Variants in MACROD2 observed in about 807,000 individuals in gnomAD.
The protein encoded by MACROD2 is mono-ADP ribosylhydrolase 2, also known as ADP-ribose glycohydrolase MACROD2.
Under a neutral mutation model 70.4 loss-of-function variants are expected in MACROD2, and 36 were observed. The ratio of observed to expected loss-of-function variants is 0.51; its 90% CI spans 0.39 to 0.68. The LOEUF is 0.68. Among genes scored for constraint, MACROD2 ranks in the 30% least tolerant of loss-of-function variants. The pLI is 0.00. For synonymous variants in MACROD2, 172 were observed against 178.8 expected, an observed-to-expected ratio of 0.96 and a Z score of 0.30; for missense variants, 496 against 538.4, an observed-to-expected ratio of 0.92 and a Z score of 0.78.
At chr20:15,291,134 A>G (rs1309753958) in intron 6 of MACROD2, among the ~76,000 whole-genome samples, 6 of 152,248 alleles carry the variant, frequency 3.9e-5, no homozygotes, top group Non-Finnish European at 4.4e-5. Flanking sequence ...CCTGGGAATC[A>G]GTAATTCTAT....
chr20:14,999,792 C>G (rs988322638), intron 5 of MACROD2, among the ~76,000 whole-genome samples: 6 of 152,156 alleles, frequency 3.9e-5, no homozygotes, highest in Non-Finnish European at 8.8e-5. Context: ...GGCTTATTTG[C>G]AAGCCTCATG....
chr20:15,858,539 C>T (rs1019986202), intron 8 of MACROD2, among the ~76,000 whole-genome samples: 1 of 152,138 alleles, frequency 6.6e-6, no homozygotes, highest in African/African-American at 2.4e-5. Flanking sequence ...TCTGGAAAAA[C>T]AGTTACAGGG....
At chr20:14,092,002 A>G (rs1229199435) in intron 3 of MACROD2, among the ~76,000 whole-genome samples, 1 of 152,162 alleles carries the variant, frequency 6.6e-6, no homozygotes, top group African/African-American at 2.4e-5. Context: ...TTAGTTTTGT[A>G]AGAAACTGCT....
At chr20:15,831,513 G>T (rs898726543) in intron 8 of MACROD2, among the ~76,000 whole-genome samples, 9 of 152,272 alleles carry the variant, frequency 5.9e-5, no homozygotes, top group African/African-American at 2.2e-4. Flanking sequence ...GCTGAGCCAA[G>T]GGTGACCTGC....
chr20:15,976,778 A>G (rs1686203882), intron 13 of MACROD2, among the ~76,000 whole-genome samples: 2 of 152,244 alleles, frequency 1.3e-5, no homozygotes. Context: ...AAAGATTGTC[A>G]AAATATGTAA....
At chr20:15,822,916 A>T (rs1044728027) in intron 8 of MACROD2, among the ~76,000 whole-genome samples, 1 of 152,176 alleles carries the variant, frequency 6.6e-6, no homozygotes, top group African/African-American at 2.4e-5. Flanking sequence ...GTGTTCTGTG[A>T]TGCTCAGTAA....
chr20:14,043,174 C>G (rs1011615026), intron 2 of MACROD2, among the ~76,000 whole-genome samples: 1 of 152,272 alleles, frequency 6.6e-6, no homozygotes, highest in South Asian at 2.1e-4. Context: ...CCCACCTTGG[C>G]CTTCCAAAGT....
intron 2 of MACROD2, chr20:14,053,661 A>ACC (rs1162733703): frequency 5.9e-5 from 9 of 152,160 alleles, no homozygotes; most frequent in African/African-American, 1.7e-4. Context: ...GTTTTTGTCA[A>ACC]TAAATACTAA....
chr20:15,871,175 C>CA (rs58775689), intron 9 of MACROD2, among the ~76,000 whole-genome samples: 90,133 of 114,484 alleles, frequency 0.79, 35,863 homozygotes, highest in Non-Finnish European at 0.86. Context: ...GACTCCATCT[C>CA]AAAAAAAAAA....
chr20:15,946,171 C>T lies in MACROD2; in HGVS notation c.907+8627C>T, dbSNP rs79511955. 3.3e-5 allele frequency among the ~76,000 whole-genome samples: 5 copies of T among 152,310 alleles called. No homozygotes were observed. The East Asian group carries it at 7.7e-4, about 23-fold the overall frequency. ...TTCCTTAGACCCTGCACGTGCCTTA[C>T]GCTATAGCCCAACTCAGTTATTTGT... On this transcript the variant is annotated intron_variant, in intron 12 of 17. Transcript: ENST00000684519.
chr20:14,959,129 G>C (rs2074561751), intron 5 of MACROD2, among the ~76,000 whole-genome samples: 1 of 152,032 alleles, frequency 6.6e-6, no homozygotes, highest in Non-Finnish European at 1.5e-5. Context: ...TGTTGTTGTT[G>C]TTGGTTTGTT....
chr20:15,119,256 T>C (rs1470517629), intron 5 of MACROD2, among the ~76,000 whole-genome samples: 1 of 152,224 alleles, frequency 6.6e-6, no homozygotes, highest in African/African-American at 2.4e-5. Context: ...CCCACCCTTC[T>C]CTACTTTATG....
chr20:15,670,603 CT>C (rs1261055441), intron 8 of MACROD2, among the ~76,000 whole-genome samples: 1 of 152,142 alleles, frequency 6.6e-6, no homozygotes, highest in Non-Finnish European at 1.5e-5. Flanking sequence ...TTTTTTATAA[CT>C]TGTGTAAGCT....
chr20:14,913,098 TGTGA>T (rs774196184), intron 5 of MACROD2, among the ~76,000 whole-genome samples: 13 of 152,280 alleles, frequency 8.5e-5, no homozygotes, highest in Admixed American at 2.6e-4. Context: ...TGTATGGCTG[TGTGA>T]GTGTGTTAGT....
chr20:15,994,864 T>TATG (rs1276200581), intron 15 of MACROD2, among the ~76,000 whole-genome samples: 3 of 152,228 alleles, frequency 2.0e-5, no homozygotes, highest in African/African-American at 7.2e-5. Context: ...CATATATGGG[T>TATG]ATGATAAATT....
At chr20:14,664,284 CT>C (rs1333016925) in intron 4 of MACROD2, among the ~76,000 whole-genome samples, 1 of 152,044 alleles carries the variant, frequency 6.6e-6, no homozygotes, top group African/African-American at 2.4e-5. Context: ...AGCCAAAATG[CT>C]GACATTCAGG....
chr20:14,804,585 A>C (rs1412993891), intron 5 of MACROD2, among the ~76,000 whole-genome samples: 3 of 151,994 alleles, frequency 2.0e-5, no homozygotes, highest in Non-Finnish European at 2.9e-5. Context: ...GAGGAGACCC[A>C]TGGAAAATCC....
intron 10 of MACROD2, among the ~76,000 whole-genome samples, chr20:15,901,815 G>A (rs1247412724): frequency 1.3e-5 from 2 of 152,054 alleles, no homozygotes; most frequent in Non-Finnish European, 2.9e-5. Context: ...TCTAGTTATC[G>A]GCCCTCAGTT....
intron 5 of MACROD2, among the ~76,000 whole-genome samples, chr20:14,962,020 C>G (rs765658746): frequency 6.6e-6 from 1 of 152,016 alleles, no homozygotes. Flanking sequence ...CACTCTCGCT[C>G]AGACTGGAGT....
Sources: allele counts gnomAD v4.1 joint callset (sites outside exome capture counted in the v4.1 genomes callset), GRCh38; gene constraint gnomAD v4.1.1; transcripts MANE v1.5; gene names NCBI Gene and HGNC (gene_info 2026-07-23, HGNC 2026-07-21).